The following MGMT variants were observed in gnomAD, a reference collection of about 807,000 sequenced individuals.
MGMT encodes methylated-DNA--protein-cysteine methyltransferase.
MGMT carries 14 observed loss-of-function variants against 15.9 expected under a neutral mutation model. The observed-to-expected ratio is 0.88, with a 90% CI of 0.58 to 1.37. MGMT has a LOEUF of 1.37. Among genes scored for constraint, MGMT ranks in the 40% most tolerant of loss-of-function variants. The pLI, the probability that MGMT is intolerant of heterozygous loss-of-function variation, is 0.00. For synonymous variants in MGMT, 130 were observed against 118.2 expected (o/e 1.10, Z -0.65); for missense variants, 282 against 268.1 (o/e 1.05, Z -0.36).
At chr10:129,600,102 A>G (rs888395409) in intron 2 of MGMT, among the ~76,000 whole-genome samples, 2 of 152,214 alleles carry the variant, frequency 1.3e-5, no homozygotes, top group Admixed American at 6.5e-5. Context: ...TGTGTGGTGC[A>G]GGGAGTCTAA....
At chr10:129,664,034 T>G (rs1197448735) in intron 2 of MGMT, among the ~76,000 whole-genome samples, 1 of 152,144 alleles carries the variant, frequency 6.6e-6, no homozygotes, top group Non-Finnish European at 1.5e-5. Flanking sequence ...TAATATAATA[T>G]GGAAATATTG....
At chr10:129,603,099 C>T (rs886116113) in intron 2 of MGMT, among the ~76,000 whole-genome samples, 4 of 152,080 alleles carry the variant, frequency 2.6e-5, no homozygotes, top group Non-Finnish European at 4.4e-5. Context: ...GTAATTGATG[C>T]GACTAAAATT....
At chr10:129,733,259 G>A (rs1848522436) in intron 3 of MGMT, among the ~76,000 whole-genome samples, 1 of 146,474 alleles carries the variant, frequency 6.8e-6, no homozygotes, top group South Asian at 2.3e-4. Flanking sequence ...TCTAACTGGT[G>A]TGAGACGGTA....
Position 129,659,644 on chromosome 10 carries a change from A to T in MGMT, c.126-48251A>T, listed in dbSNP as rs1249024692. On this transcript the variant is annotated intron_variant, in intron 2 of 4. Coordinates refer to ENST00000651593, the MANE Select transcript of MGMT (RefSeq NM_002412.5). This position sits in a 1 kb window ranked among gnomAD's most constrained non-coding sequence, Gnocchi z 4.1. The stretch of plus-strand genomic sequence containing the variant: ...AGCATGTACAAAGGCCCTGAAGATG[A>T]ATGACTGTGTGAAATTTTGAAGAGC... Among the ~76,000 whole-genome samples, 1 of 152,230 alleles carries T rather than the reference A, an allele frequency of 6.6e-6. No individual in the cohort carries two copies. The highest frequency in any genetic ancestry group is 1.5e-5 in the Non-Finnish European group (1 of 68,040).
chr10:129,626,081 T>C (rs1847145272), intron 2 of MGMT, among the ~76,000 whole-genome samples: 1 of 152,176 alleles, frequency 6.6e-6, no homozygotes, highest in Non-Finnish European at 1.5e-5. Context: ...GAGTGGCGAT[T>C]TGTACTGGGC....
intron 1 of MGMT, among the ~76,000 whole-genome samples, chr10:129,503,845 C>T (rs1383386223): frequency 6.6e-6 from 1 of 152,158 alleles, no homozygotes; most frequent in African/African-American, 2.4e-5. Context: ...CTTTTTCCTC[C>T]TACATTTGAT....
Position 129,524,165 on chromosome 10 carries a change from G to A in MGMT, c.-12-12076G>A, listed in dbSNP as rs76904216. ...CCACTCTGCCTCCTGGCTCTGGCACGGGGACGGCTCCAGGGTTCTAAGGCC... is the reference window on the plus strand; with the variant it reads ...CCACTCTGCCTCCTGGCTCTGGCACAGGGACGGCTCCAGGGTTCTAAGGCC... On this transcript the variant is annotated intron_variant, in intron 1 of 4. Transcript: ENST00000651593. 6.2e-4 allele frequency among the ~76,000 whole-genome samples: 94 copies of A among 152,274 alleles called. 2 individuals carry two copies. The East Asian group carries it at 0.016, about 26-fold the overall frequency.
intron 2 of MGMT, among the ~76,000 whole-genome samples, chr10:129,558,197 G>C (rs1052020411): frequency 6.6e-6 from 1 of 152,142 alleles, no homozygotes; most frequent in African/African-American, 2.4e-5. Flanking sequence ...ATCTATTGTT[G>C]ATAAATGGCC....
chr10:129,472,750 C>T (rs1206268091), intron 1 of MGMT, among the ~76,000 whole-genome samples: 1 of 152,186 alleles, frequency 6.6e-6, no homozygotes, highest in African/African-American at 2.4e-5. Context: ...TTTGCGGATG[C>T]AGAGTCGCTC....
chr10:129,757,634 C>T (rs1352200747), intron 3 of MGMT, among the ~76,000 whole-genome samples: 1 of 151,986 alleles, frequency 6.6e-6, no homozygotes, highest in Admixed American at 6.6e-5. Flanking sequence ...CTTTGCTTTG[C>T]TTTTTTTTAA....
chr10:129,679,714 T>C (rs996410773), intron 2 of MGMT, among the ~76,000 whole-genome samples: 1 of 152,194 alleles, frequency 6.6e-6, no homozygotes, highest in African/African-American at 2.4e-5. Context: ...TCAGCATTGG[T>C]GCATTGAGGA....
chr10:129,720,942 GAA>G (rs5788995), intron 3 of MGMT, among the ~76,000 whole-genome samples: 43 of 144,190 alleles, frequency 3.0e-4, no homozygotes, highest in African/African-American at 4.5e-4. Flanking sequence ...ATGTCAGGGG[GAA>G]AAAAAAAAAA....
chr10:129,744,747 G>T (rs1000800683), intron 3 of MGMT, among the ~76,000 whole-genome samples: 1 of 152,330 alleles, frequency 6.6e-6, no homozygotes, highest in Non-Finnish European at 1.5e-5. Context: ...CTCCTGGCCC[G>T]CCACATCGCC....
chr10:129,502,872 A>T (rs774212268), intron 1 of MGMT, among the ~76,000 whole-genome samples: 1 of 152,242 alleles, frequency 6.6e-6, no homozygotes, highest in Non-Finnish European at 1.5e-5. Context: ...GGCAGCTGTT[A>T]AAAGCAGCCG....
intron 3 of MGMT, among the ~76,000 whole-genome samples, chr10:129,739,348 A>G (rs1848603656): frequency 6.6e-6 from 1 of 152,260 alleles, no homozygotes; most frequent in African/African-American, 2.4e-5. Flanking sequence ...AATTAGGAAA[A>G]GAGGAAGTCA....
chr10:129,643,646 A>C (rs769711131), intron 2 of MGMT, among the ~76,000 whole-genome samples: 214 of 152,302 alleles, frequency 1.4e-3, no homozygotes, highest in Non-Finnish European at 1.3e-3. Flanking sequence ...GCACCAGTGC[A>C]CTGATTTCTT....
intron 2 of MGMT, among the ~76,000 whole-genome samples, chr10:129,646,754 A>ATATATATATATATTTTTTTTTTTT: frequency 1.2e-5 from 1 of 86,662 alleles, no homozygotes; most frequent in East Asian, 2.5e-4. Context: ...ATATATATAT[A>ATATATATATATATTTTTTTTTTTT]TTTTCAGGGA....
intron 1 of MGMT, among the ~76,000 whole-genome samples, chr10:129,515,847 TA>T (rs74616010): frequency 0.16 from 23,776 of 152,222 alleles, 2,600 homozygotes; most frequent in African/African-American, 0.3. Context: ...AATTCACATT[TA>T]AATGTCTCTG....
At position 129,630,177 on chromosome 10, in the gene MGMT, C is replaced by T. The variant is rs1437253578; in HGVS notation, c.126-77718C>T. 2.6e-5 allele frequency among the ~76,000 whole-genome samples: 4 copies of T among 152,206 alleles called. No homozygotes were observed. The East Asian group carries it at 7.7e-4, about 29-fold the overall frequency. ...CAAGGTGCTTGGTTAATATGCAGCT[C>T]TCTCAACATCTCCCCCTTAGGAGCA... On this transcript the variant is annotated intron_variant, in intron 2 of 4. Transcript: ENST00000651593.
Sources: gnomAD v4.1 joint callset for allele counts (sites outside exome capture counted in the v4.1 genomes callset) on GRCh38, gnomAD v4.1.1 for gene constraint, Gnocchi (gnomAD v3.1) non-coding constraint, MANE v1.5 for transcripts, NCBI Gene and HGNC (gene_info 2026-07-23, HGNC 2026-07-21) for gene names.